Variants in ZNRF2 observed in about 807,000 individuals in gnomAD.
ZNRF2 encodes zinc and ring finger 2, also known as E3 ubiquitin-protein ligase ZNRF2.
A neutral mutation model predicts 20.4 loss-of-function variants in ZNRF2; 16 were observed. The observed-to-expected ratio is 0.79, with a 90% CI of 0.53 to 1.19. The LOEUF is 1.19. Ranked by LOEUF, ZNRF2 falls within the 50% of genes most tolerant of loss-of-function variation. The pLI is 0.00. For missense variants in ZNRF2, 363 were observed against 332.4 expected (o/e 1.09, Z -0.72); for synonymous variants, 178 against 144.9 (o/e 1.23, Z -1.64).
intron 1 of ZNRF2, among the ~76,000 whole-genome samples, chr7:30,295,200 C>A (rs1461393650): frequency 6.6e-6 from 1 of 151,742 alleles, no homozygotes; most frequent in African/African-American, 2.4e-5. Flanking sequence ...TCTTTCAGGC[C>A]TGAAGGGAGT....
chr7:30,321,896 G>A (rs541489917), intron 1 of ZNRF2, among the ~76,000 whole-genome samples: 11 of 151,618 alleles, frequency 7.3e-5, no homozygotes, highest in Non-Finnish European at 1.3e-4. Flanking sequence ...ATTTTTAGGG[G>A]TGTCTAATCT....
Position 30,361,584 on chromosome 7 carries a change from T to C in ZNRF2, c.672-793T>C, listed in dbSNP as rs1800127549. Among the ~76,000 whole-genome samples, 4 of 152,366 alleles carry C rather than the reference T, an allele frequency of 2.6e-5. No individual in the cohort carries two copies. In the South Asian group the frequency reaches 8.3e-4, roughly 32 times the overall value. ...GTTAGTAGACCTTGATTTTTTCACC[T>C]ATCATGGTACTGTGAAATAGAACTT... is the stretch of plus-strand genomic sequence containing the variant. On this transcript the variant is annotated intron_variant, in intron 3 of 4. Coordinates refer to ENST00000323037, the MANE Select transcript of ZNRF2 (RefSeq NM_147128.4).
chr7:30,286,003 G>T (rs565400414), intron 1 of ZNRF2, among the ~76,000 whole-genome samples, 177 bp downstream of exon 1: 2 of 152,342 alleles, frequency 1.3e-5, no homozygotes, highest in East Asian at 1.9e-4. Flanking sequence ...TAACACCGGC[G>T]GTGCCGCTAC....
intron 1 of ZNRF2, among the ~76,000 whole-genome samples, chr7:30,300,865 T>G (rs1799102980): frequency 6.6e-6 from 1 of 152,246 alleles, no homozygotes; most frequent in Admixed American, 6.5e-5. Context: ...GTTTTCTTTC[T>G]GCTTATATGT....
At position 30,288,568 on chromosome 7, in the gene ZNRF2, A is replaced by C. The variant is rs143555167; in HGVS notation, c.469+2742A>C. ...TTTTCTGTGTTGGTTTTATGTTTTGATGTCATTTGGACATCTGTTTTGGCT... is the reference window on the plus strand; with the variant it reads ...TTTTCTGTGTTGGTTTTATGTTTTGCTGTCATTTGGACATCTGTTTTGGCT... On this transcript the variant is annotated intron_variant, in intron 1 of 4. Transcript: ENST00000323037. Among the ~76,000 whole-genome samples, 26 of 152,308 alleles carry C rather than the reference A, an allele frequency of 1.7e-4. 1 individual carries two copies. In the East Asian group the frequency reaches 5.0e-3, roughly 29 times the overall value.
intron 1 of ZNRF2, among the ~76,000 whole-genome samples, chr7:30,311,303 T>C (rs1463077483): frequency 6.6e-6 from 1 of 152,172 alleles, no homozygotes; most frequent in Middle Eastern, 3.2e-3. Flanking sequence ...AGATAGTAAA[T>C]AGGCTGTAGG....
chr7:30,301,699 TTA>T (rs1491323006), intron 1 of ZNRF2, among the ~76,000 whole-genome samples: 1,507 of 126,356 alleles, frequency 0.012, 26 homozygotes, highest in African/African-American at 0.047. Context: ...GAGGCTTTTT[TTA>T]AAAAAAAAAA....
At chr7:30,325,229 A>G (rs563490210) in intron 2 of ZNRF2, among the ~76,000 whole-genome samples, 9 of 152,350 alleles carry the variant, frequency 5.9e-5, no homozygotes, top group African/African-American at 1.9e-4. Flanking sequence ...ACAGACTTCA[A>G]AAGCTTAAGA....
At chr7:30,308,682 G>A (rs1799245801) in intron 1 of ZNRF2, among the ~76,000 whole-genome samples, 1 of 152,100 alleles carries the variant, frequency 6.6e-6, no homozygotes, top group African/African-American at 2.4e-5. Context: ...CTGTGGTTAT[G>A]TTGCTTTTTA....
In ZNRF2 at chr7:30,345,718, T is replaced by C. The variant is rs963052220; in HGVS notation, c.566-10010T>C. ...ATTTTATTCTGTCAGAATGAGGGAT[T>C]GTCTCTGAGTTCTTCCCCTGATACA... On this transcript the variant is annotated intron_variant, in intron 2 of 4. Coordinates refer to ENST00000323037, the MANE Select transcript of ZNRF2 (RefSeq NM_147128.4). 2.6e-5 allele frequency among the ~76,000 whole-genome samples: 4 copies of C among 152,144 alleles called. No homozygotes were observed. In the South Asian group the frequency reaches 8.3e-4, roughly 31 times the overall value.
At chr7:30,291,817 A>T (rs1798916286) in intron 1 of ZNRF2, among the ~76,000 whole-genome samples, 1 of 152,208 alleles carries the variant, frequency 6.6e-6, no homozygotes, top group South Asian at 2.1e-4. Context: ...TTACTAAGGG[A>T]TGAATATAGA....
intron 4 of ZNRF2, among the ~76,000 whole-genome samples, chr7:30,363,900 T>G (rs1800168120): frequency 6.6e-6 from 1 of 152,228 alleles, no homozygotes; most frequent in Non-Finnish European, 1.5e-5. Flanking sequence ...CATTGGATTG[T>G]TATATCAAGG....
At chr7:30,301,709 A>AC (rs1371789572) in intron 1 of ZNRF2, among the ~76,000 whole-genome samples, 1 of 151,468 alleles carries the variant, frequency 6.6e-6, no homozygotes, top group Non-Finnish European at 1.5e-5. Context: ...TTAAAAAAAA[A>AC]AAAAAAAAAA....
chr7:30,294,158 C>A (rs187884477), intron 1 of ZNRF2, among the ~76,000 whole-genome samples: 2 of 151,942 alleles, frequency 1.3e-5, no homozygotes, highest in Non-Finnish European at 2.9e-5. Context: ...TCTACTGTTA[C>A]CTCTATTCTG....
At chr7:30,333,121 T>A (rs1799660882) in intron 2 of ZNRF2, among the ~76,000 whole-genome samples, 1 of 151,454 alleles carries the variant, frequency 6.6e-6, no homozygotes, top group African/African-American at 2.4e-5. Context: ...TGGCTTGATC[T>A]TGGCTCATTG....
At chr7:30,342,500 T>G (rs986173304) in intron 2 of ZNRF2, among the ~76,000 whole-genome samples, 2 of 152,248 alleles carry the variant, frequency 1.3e-5, no homozygotes, top group Non-Finnish European at 2.9e-5. Context: ...GTAGCTTGAC[T>G]GGATACGAAA....
At chr7:30,318,089 T>C (rs1757483659) in intron 1 of ZNRF2, among the ~76,000 whole-genome samples, 1 of 152,152 alleles carries the variant, frequency 6.6e-6, no homozygotes, top group Non-Finnish European at 1.5e-5. Context: ...TTAGGGACAG[T>C]ATAAAGGAAT....
At chr7:30,311,174 C>T (rs1037092625) in intron 1 of ZNRF2, among the ~76,000 whole-genome samples, 2 of 152,070 alleles carry the variant, frequency 1.3e-5, no homozygotes, top group Non-Finnish European at 2.9e-5. Flanking sequence ...TTGTTTTTGG[C>T]CTCTTGAACT....
intron 4 of ZNRF2, among the ~76,000 whole-genome samples, chr7:30,363,965 A>C (rs1010296008): frequency 5.9e-5 from 9 of 152,348 alleles, no homozygotes; most frequent in African/African-American, 2.2e-4. Context: ...CTCTTTGTTC[A>C]GGGACTCAAG....
Sources: gnomAD v4.1 joint callset for allele counts (sites outside exome capture counted in the v4.1 genomes callset) on GRCh38, gnomAD v4.1.1 for gene constraint, MANE v1.5 for transcripts, NCBI Gene and HGNC (gene_info 2026-07-23, HGNC 2026-07-21) for gene names.